The following ZEB2 variants were observed in gnomAD, a reference collection of about 807,000 sequenced individuals.
ZEB2 encodes the protein zinc finger E-box binding homeobox 2.
In ZEB2, 6 loss-of-function variants were observed where a neutral mutation model predicts 99.9. The observed-to-expected ratio is 0.06, with a 90% CI of 0.03 to 0.12. The LOEUF (loss-of-function observed/expected upper bound fraction) is 0.12. ZEB2 is among the 10% of genes least tolerant of loss of function. The pLI is 1.00. For synonymous variants in ZEB2, 517 were observed against 542.5 expected (o/e 0.95, Z 0.65); for missense variants, 969 against 1,502.8 (o/e 0.64, Z 5.87).
intron 2 of ZEB2, among the ~76,000 whole-genome samples, chr2:144,479,763 C>A (rs1313582079): frequency 4.0e-5 from 6 of 151,014 alleles, no homozygotes; most frequent in East Asian, 3.9e-4. Context: ...CAGCAACAGA[C>A]CCCCTGCTCA....
intron 2 of ZEB2, chr2:144,494,816 C>T (rs1434174522): frequency 6.6e-6 from 1 of 152,110 alleles, no homozygotes; most frequent in Non-Finnish European, 1.5e-5. Flanking sequence ...GCTGCAGTTC[C>T]CAGGCGGACA....
intron 6 of ZEB2, among the ~76,000 whole-genome samples, chr2:144,402,185 C>G (rs1234979087): frequency 6.6e-6 from 1 of 152,126 alleles, no homozygotes; most frequent in Non-Finnish European, 1.5e-5. Flanking sequence ...GGGAAAAAAG[C>G]AGTGTGACTT....
intron 7 of ZEB2, 131 bp downstream of exon 7, chr2:144,401,068 C>T: frequency 1.2e-6 from 1 of 816,820 alleles, no homozygotes. Flanking sequence ...AAATCAGGCA[C>T]ACAGAGTTGA....
chr2:144,468,845 T>A (rs10187455), intron 2 of ZEB2, among the ~76,000 whole-genome samples: 118,569 of 151,948 alleles, frequency 0.78, 46,649 homozygotes, highest in Non-Finnish European at 0.83. Flanking sequence ...CACTCAGGTG[T>A]TTTTTTAAGG....
rs1349377681 is a variant in ZEB2 at position 144,399,214 on chromosome 2, A to G, written c.1973T>C (p.Val658Ala). ...PINPYKDHMS[V>A]LKAYYAMNME... is the part of the protein sequence containing the mutation. ...GTTCATAGCATAGTATGCTTTGAGT[A>G]CAGACATGTGGTCCTTGTATGGGTT... Residue 658 changes from valine to alanine, a missense_variant, in exon 8 of 10, where the codon GTA (valine) becomes GCA (alanine). Physicochemically the swap from Val to Ala is moderately conservative, Grantham distance 64 (BLOSUM62 0). Transcript: ENST00000627532. The surrounding 1 kb of genome is among the most constrained non-coding windows in gnomAD (Gnocchi z 5.6). 6.2e-7 allele frequency: 1 copy of G among 1,614,192 alleles called. No individual in the cohort carries two copies. Among genetic ancestry groups the G allele is most frequent in the Admixed American group, 1.7e-5 (1 of 60,024 alleles).
intron 2 of ZEB2, among the ~76,000 whole-genome samples, chr2:144,436,838 A>G (rs1703845521): frequency 6.6e-6 from 1 of 152,210 alleles, no homozygotes; most frequent in Non-Finnish European, 1.5e-5. Flanking sequence ...TCCTAAAAAC[A>G]GATATTGGTC....
intron 9 of ZEB2, among the ~76,000 whole-genome samples, chr2:144,392,244 G>T (rs1460877028): frequency 6.6e-6 from 1 of 152,134 alleles, no homozygotes; most frequent in African/African-American, 2.4e-5. Flanking sequence ...AGCACAAAAA[G>T]GTCAACTACT....
chr2:144,464,941 A>G (rs1201810171), intron 2 of ZEB2, among the ~76,000 whole-genome samples: 1 of 152,224 alleles, frequency 6.6e-6, no homozygotes, highest in Non-Finnish European at 1.5e-5. Flanking sequence ...TTGATAAGAT[A>G]ACATGGAGAA....
rs527522537 is a variant in ZEB2 at position 144,511,247 on chromosome 2, G to A, written c.73+6031C>T. On this transcript the variant is annotated intron_variant, in intron 2 of 9. Coordinates refer to ENST00000627532, the MANE Select transcript of ZEB2 (RefSeq NM_014795.4). ...GTGTATTCATGTGGGCTACATATAT[G>A]CATAATATGTAGGAGAGAACGGAAA... is the stretch of plus-strand genomic sequence containing the variant. 4.5e-5 allele frequency: 15 copies of A among 331,754 alleles called. No homozygotes were observed. In the South Asian group the frequency reaches 6.5e-4, roughly 14 times the overall value. The allele number at this position is 331,754 out of a possible 1,614,324, so 20.6% of individuals were successfully genotyped here.
intron 7 of ZEB2, 43 bp downstream of exon 7, chr2:144,401,156 T>C: frequency 6.4e-7 from 1 of 1,556,504 alleles, no homozygotes; most frequent in Non-Finnish European, 8.9e-7. Context: ...CTCCCCTAAT[T>C]AAGTAAAATG....
chr2:144,399,717 G>A lies in ZEB2; in HGVS notation c.1470C>T (p.His490=), dbSNP rs767360787. The A allele has an allele frequency of 3.7e-6, 6 of 1,614,060 alleles. No individual in the cohort carries two copies. The South Asian group carries it at 5.5e-5, about 15-fold the overall frequency. ...AEEISKLKGY[H]MKDPCSQPEE... ...CAGGTTGAGAGCATGGATCCTTCAT[G>A]TGATAACCTTTCAACTTTGAAATTT... Residue 490 remains histidine, a synonymous_variant, in exon 8 of 10, where the codon CAC becomes CAT. Coordinates refer to ENST00000627532, the MANE Select transcript of ZEB2 (RefSeq NM_014795.4). This position sits in a 1 kb window ranked among gnomAD's most constrained non-coding sequence, Gnocchi z 5.6.
In ZEB2 at chr2:144,389,188, G is replaced by C. The variant is rs1703120848; in HGVS notation, c.*263C>G. The C allele has an allele frequency of 1.5e-5, 9 of 592,404 alleles. No individual in the cohort carries two copies. Among genetic ancestry groups the C allele is most frequent in the Non-Finnish European group, 2.7e-5 (9 of 336,448 alleles). The allele number at this position is 592,404 out of a possible 1,614,324, so 36.7% of individuals were successfully genotyped here. On this transcript the variant is annotated 3_prime_UTR_variant, in exon 10 of 10. Coordinates refer to ENST00000627532, the MANE Select transcript of ZEB2 (RefSeq NM_014795.4). The surrounding 1 kb of genome is among the most constrained non-coding windows in gnomAD (Gnocchi z 6.8). ...TTCTAGTTGTGCTTAAAGTATAAAT[G>C]CTATTAAACACAGGAATTAGTCTCT...
chr2:144,429,895 C>T lies in ZEB2; in HGVS notation c.205G>A (p.Glu69Lys), dbSNP rs1183158315. 6.2e-7 allele frequency: 1 copy of T among 1,613,808 alleles called. No individual in the cohort carries two copies. The highest frequency in any genetic ancestry group is 8.5e-7 in the Non-Finnish European group (1 of 1,179,864). The change falls in exon 3 of 10, where the codon GAG becomes AAG. Residue 69 changes from glutamate to lysine, a missense_variant. Physicochemically the swap from Glu to Lys is moderately conservative, Grantham distance 56 (BLOSUM62 1). Around this residue, in one of 8 missense-constraint regions of ZEB2, gnomAD observed 173 missense variants for 217.7 expected, o/e 0.79. Coordinates refer to ENST00000627532, the MANE Select transcript of ZEB2 (RefSeq NM_014795.4). ...GCTTGGCTCACGTGTGGGGAGGACT[C>T]ATGGTTGGGCACACTAGCTGGACTC... Reference protein sequence around the residue: ...ETSPASVPNHESSPHVSQALL... With the variant: ...ETSPASVPNHKSSPHVSQALL...
chr2:144,506,979 G>A (rs1044318374), intron 2 of ZEB2, among the ~76,000 whole-genome samples: 1 of 152,124 alleles, frequency 6.6e-6, no homozygotes, highest in Admixed American at 6.5e-5. Context: ...TCCCAGGAAT[G>A]TGGTCATCTA....
chr2:144,449,293 A>C (rs906588745), intron 2 of ZEB2, among the ~76,000 whole-genome samples: 2 of 152,188 alleles, frequency 1.3e-5, no homozygotes, highest in Admixed American at 1.3e-4. Flanking sequence ...AGGGGGAGCT[A>C]TTCAGGAAAA....
chr2:144,479,967 C>T (rs1280380239), intron 2 of ZEB2, among the ~76,000 whole-genome samples: 1 of 152,136 alleles, frequency 6.6e-6, no homozygotes, highest in African/African-American at 2.4e-5. Flanking sequence ...CACAATCATC[C>T]TCTTGATTCA....
At chr2:144,504,662 G>C (rs963737392) in intron 2 of ZEB2, 1 of 152,186 alleles carries the variant, frequency 6.6e-6, no homozygotes, top group African/African-American at 2.4e-5. Flanking sequence ...CAAGGTTAAA[G>C]AGACAAGGGC....
At chr2:144,453,029 A>G (rs1704075764) in intron 2 of ZEB2, among the ~76,000 whole-genome samples, 1 of 152,058 alleles carries the variant, frequency 6.6e-6, no homozygotes, top group Non-Finnish European at 1.5e-5. Flanking sequence ...CATCTTATTT[A>G]GTTTCTATAT....
intron 2 of ZEB2, among the ~76,000 whole-genome samples, chr2:144,509,826 T>G (rs1705004881): frequency 6.6e-6 from 1 of 152,178 alleles, no homozygotes. Context: ...GCATGTTACT[T>G]TTGCATGTTG....
Sources: gnomAD v4.1 joint callset for allele counts (sites outside exome capture counted in the v4.1 genomes callset) on GRCh38, gnomAD v4.1.1 for gene constraint, gnomAD v4.1.1 regional missense constraint, Gnocchi (gnomAD v3.1) non-coding constraint, MANE v1.5 for transcripts, NCBI Gene and HGNC (gene_info 2026-07-23, HGNC 2026-07-21) for gene names.